The following CLEC4D variants were observed in gnomAD, a reference collection of about 807,000 sequenced individuals.
The protein encoded by CLEC4D is C-type (calcium dependent, carbohydrate-recognition domain) lectin, superfamily member 8.
CLEC4D carries 21 observed loss-of-function variants against 21.1 expected under a neutral mutation model. That is an observed-to-expected ratio of 1.00 (90% confidence interval 0.71 to 1.43). CLEC4D has a LOEUF of 1.43. CLEC4D is among the 40% of genes most tolerant of loss of function. The pLI is 0.00. For missense variants in CLEC4D, 289 were observed against 260.7 expected (o/e 1.11, Z -0.75); for synonymous variants, 85 against 83.1 (o/e 1.02, Z -0.12).
downstream of CLEC4D, among the ~76,000 whole-genome samples, chr12:8,526,394 CT>C (rs1438938666): frequency 3.9e-5 from 6 of 152,030 alleles, no homozygotes; most frequent in Middle Eastern, 3.4e-3. Flanking sequence ...CCTTTTCATT[CT>C]TTTTTCTCTA....
chr12:8,531,487 TAATCTATA>T, the CLEC4D span, among the ~76,000 whole-genome samples: 1 of 152,198 alleles, frequency 6.6e-6, no homozygotes, highest in Non-Finnish European at 1.5e-5. Flanking sequence ...CTCTTTTTCA[TAATCTATA>T]AAGGCTGTAA....
At position 8,521,360 on chromosome 12, in the gene CLEC4D, A is replaced by G; in HGVS notation, c.*89A>G. ...TGTACGTGCGTCATTGGAACACAGA[A>G]AACATGCTGGTTCATACAGCGTTTT... On this transcript the variant is annotated 3_prime_UTR_variant, in exon 6 of 6. Transcript: ENST00000299665. 2 of 1,512,676 alleles carry G rather than the reference A, an allele frequency of 1.3e-6. No homozygotes were observed. Among genetic ancestry groups the G allele is most frequent in the Non-Finnish European group, 8.8e-7 (1 of 1,137,766 alleles). 93.7% of individuals were successfully genotyped at this position (1,512,676 alleles called of 1,614,324 possible).
At chr12:8,522,689 T>G (rs112768575), downstream of CLEC4D, among the ~76,000 whole-genome samples, 4 of 152,116 alleles carry the variant, frequency 2.6e-5, no homozygotes, top group Non-Finnish European at 5.9e-5. Flanking sequence ...GGGCTTCGTA[T>G]AGTTAATATT....
rs1176108451 is a variant in CLEC4D, at chr12:8,518,294, TTC to T, written c.232+22_232+23del. On this transcript the variant is annotated intron_variant, in intron 3 of 5. Transcript: ENST00000299665. The stretch of plus-strand genomic sequence containing the variant: ...CTGAAGGTACAGAGTGTAAGATAAT[TTC>T]TTTTTTAATTTCCATTTTCGTTCAA... The T allele has an allele frequency of 4.4e-6, 4 of 908,610 alleles. No homozygotes were observed. The South Asian group carries it at 5.5e-5, about 13-fold the overall frequency. The allele number at this position is 908,610 out of a possible 1,614,324, so 56.3% of individuals were successfully genotyped here.
In CLEC4D at chr12:8,515,300, C is replaced by A; in HGVS notation, c.93C>A (p.Leu31=). The change falls in exon 2 of 6, where the codon CTC becomes CTA. Residue 31 remains leucine (L), a synonymous_variant. Coordinates refer to ENST00000299665, the MANE Select transcript of CLEC4D (RefSeq NM_080387.5). ...TTGCTGTAGTTTTCATCTTACTTCT[C>A]AGTGTCTGTTTTATTGCAAGTTGTT... ...SVIAVVFILL[L]SVCFIASCLV... The A allele has an allele frequency of 1.3e-6, 2 of 1,494,954 alleles. No homozygotes were observed. The highest frequency in any genetic ancestry group is 1.9e-6 in the Non-Finnish European group (2 of 1,071,852). The allele number at this position is 1,494,954 out of a possible 1,614,324, so 92.6% of individuals were successfully genotyped here. A position where few individuals can be genotyped will look rare whatever the true frequency, so the allele number is the denominator to read the frequency against.
Position 8,515,258 on chromosome 12 carries a change from G to T in CLEC4D, c.51G>T (p.Gln17His). The T allele has an allele frequency of 6.7e-7, 1 of 1,502,538 alleles. No homozygotes were observed. Among genetic ancestry groups the T allele is most frequent in the Non-Finnish European group, 9.3e-7 (1 of 1,078,746 alleles). The allele number at this position is 1,502,538 out of a possible 1,614,324, so 93.1% of individuals were successfully genotyped here. A position where few individuals can be genotyped will look rare whatever the true frequency, so the allele number is the denominator to read the frequency against. Residue 17 changes from glutamine (Q) to histidine (H), a missense_variant, in exon 2 of 6, where the codon CAG (glutamine) becomes CAT (histidine). Transcript: ENST00000299665. ...TAGTGGAAGGAGGCATGCATCCCCA[G>T]CTGATACCTTCGGTTATTGCTGTAG... Reference protein sequence around the residue: ...QSKLEGGMHPQLIPSVIAVVF... With the variant: ...QSKLEGGMHPHLIPSVIAVVF...
At chr12:8,518,030 A>C in intron 2 of CLEC4D, 134 bp from the exon 3 acceptor site, 1 of 509,858 alleles carries the variant, frequency 2.0e-6, no homozygotes, top group Non-Finnish European at 3.6e-6. Context: ...GAAACAAACA[A>C]GCTGCATAGA....
chr12:8,521,106 A>C lies in CLEC4D; in HGVS notation c.501-18A>C, dbSNP rs1555121388. 2 of 1,610,436 alleles carry C rather than the reference A, an allele frequency of 1.2e-6. No homozygotes were observed. Among genetic ancestry groups the C allele is most frequent in the South Asian group, 2.2e-5 (2 of 90,778 alleles). ...TATATATACCTATAAATCTCTATCT[A>C]TGTTGTTGTTCTTTCAGATTCTGGC... On this transcript the variant is annotated intron_variant, in intron 5 of 5. Coordinates refer to ENST00000299665, the MANE Select transcript of CLEC4D (RefSeq NM_080387.5).
At chr12:8,529,859 GA>G in the CLEC4D span, among the ~76,000 whole-genome samples, 8 of 152,004 alleles carry the variant, frequency 5.3e-5, no homozygotes, top group South Asian at 4.1e-4. Flanking sequence ...ATCTAAAACT[GA>G]AAAAAATCAA....
the CLEC4D span, among the ~76,000 whole-genome samples, chr12:8,531,333 A>G: frequency 6.6e-6 from 1 of 152,236 alleles, no homozygotes; most frequent in Admixed American, 6.5e-5. Flanking sequence ...CAATGATTTT[A>G]GGAGTCATTA....
Position 8,521,200 on chromosome 12 carries a change from G to T in CLEC4D, c.577G>T (p.Ala193Ser). 1.2e-6 allele frequency: 2 copies of T among 1,613,658 alleles called. No homozygotes were observed. Among genetic ancestry groups the T allele is most frequent in the African/African-American group, 1.3e-5 (1 of 74,982 alleles). ...TCTTGTTTATAACCAAGATAAATGG[G>T]CCTGGAATGATGTTCCTTGTAACTT... is the stretch of plus-strand genomic sequence containing the variant. Reference protein sequence around the residue: ...VVLVYNQDKWAWNDVPCNFEA... With the variant: ...VVLVYNQDKWSWNDVPCNFEA... Residue 193 changes from alanine to serine, a missense_variant, in exon 6 of 6, where the codon GCC becomes TCC. By Grantham distance (99) the Ala-to-Ser change is moderately conservative (BLOSUM62 1). Coordinates refer to ENST00000299665, the MANE Select transcript of CLEC4D (RefSeq NM_080387.5).
At chr12:8,518,644 G>C (rs752386957) in intron 3 of CLEC4D, among the ~76,000 whole-genome samples, 1 of 152,278 alleles carries the variant, frequency 6.6e-6, no homozygotes, top group East Asian at 1.9e-4. Context: ...TGGGAGAATG[G>C]GGCAGTGCTT....
In CLEC4D at chr12:8,515,296, TTC is replaced by T; in HGVS notation, c.92_93del (p.Leu31GlnfsTer19). 1 of 1,506,102 alleles carries T rather than the reference TTC, an allele frequency of 6.6e-7. No homozygotes were observed. The highest frequency in any genetic ancestry group is 9.2e-7 in the Non-Finnish European group (1 of 1,081,894). 93.3% of individuals were successfully genotyped at this position (1,506,102 alleles called of 1,614,324 possible). ...GTTATTGCTGTAGTTTTCATCTTAC[TTC>T]TCAGTGTCTGTTTTATTGCAAGTTG... is the stretch of plus-strand genomic sequence containing the variant. On this transcript the variant is annotated frameshift_variant, in exon 2 of 6. Coordinates refer to ENST00000299665, the MANE Select transcript of CLEC4D (RefSeq NM_080387.5). LOFTEE classifies it high-confidence loss of function.
downstream of CLEC4D, among the ~76,000 whole-genome samples, chr12:8,525,112 C>T (rs922072952): frequency 6.6e-6 from 1 of 152,192 alleles, no homozygotes; most frequent in Non-Finnish European, 1.5e-5. Context: ...AAGTGCTTTA[C>T]TTCCAATTAT....
chr12:8,523,239 C>G (rs908887719), downstream of CLEC4D, among the ~76,000 whole-genome samples: 2 of 152,138 alleles, frequency 1.3e-5, no homozygotes, highest in Non-Finnish European at 2.9e-5. Flanking sequence ...TGAAGAATAT[C>G]AACAGTAGTT....
the CLEC4D span, among the ~76,000 whole-genome samples, chr12:8,531,267 C>T: frequency 6.6e-6 from 1 of 152,210 alleles, no homozygotes. Context: ...CTCTCCCCCT[C>T]CCGCATATAC....
chr12:8,519,304 G>A (rs1940427204), intron 4 of CLEC4D, 144 bp downstream of exon 4: 1 of 1,305,500 alleles, frequency 7.7e-7, no homozygotes, highest in East Asian at 2.8e-5. Context: ...TCAACTTTTT[G>A]TCATATGGCC....
downstream of CLEC4D, among the ~76,000 whole-genome samples, chr12:8,526,345 T>A (rs576787670): frequency 1.3e-5 from 2 of 152,328 alleles, no homozygotes; most frequent in South Asian, 4.1e-4. Flanking sequence ...GGTTTGGTTT[T>A]TTTATGAAGT....
rs1173641403 is a variant in CLEC4D at position 8,522,010 on chromosome 12, T to G, written c.*739T>G. The G allele has an allele frequency of 3.3e-5, 5 of 152,158 alleles. No individual in the cohort carries two copies. The highest frequency in any genetic ancestry group is 1.9e-4 in the East Asian group (1 of 5,196). 9.4% of individuals were successfully genotyped at this position (152,158 alleles called of 1,614,324 possible). A position where few individuals can be genotyped will look rare whatever the true frequency, so the allele number is the denominator to read the frequency against. On this transcript the variant is annotated 3_prime_UTR_variant, in exon 6 of 6. Coordinates refer to ENST00000299665, the MANE Select transcript of CLEC4D (RefSeq NM_080387.5). ...AAGGGCTCACCTTCACATTGTTAGT[T>G]CATGACAGACCCAGGTGTGCTTCAT... is the stretch of plus-strand genomic sequence containing the variant.
Sources: allele counts gnomAD v4.1 joint callset (sites outside exome capture counted in the v4.1 genomes callset), GRCh38; gene constraint gnomAD v4.1.1; transcripts MANE v1.5; gene names NCBI Gene and HGNC (gene_info 2026-07-23, HGNC 2026-07-21).